A4GALT: variants seen among roughly 807,000 people sequenced by gnomAD.
A4GALT encodes alpha 1,4-galactosyltransferase (P1PK blood group), also known as lactosylceramide 4-alpha-galactosyltransferase.
For synonymous variants in A4GALT, 257 were observed against 220.7 expected (o/e 1.16, Z -1.46); for missense variants, 512 against 486.0 (o/e 1.05, Z -0.50).
At chr22:42,710,226 A>G (rs1414524426) in intron 1 of A4GALT, among the ~76,000 whole-genome samples, 1 of 152,198 alleles carries the variant, frequency 6.6e-6, no homozygotes, top group African/African-American at 2.4e-5. Context: ...ATATGATATT[A>G]TTGTATACCT....
chr22:42,705,145 C>T (rs1185130953), intron 1 of A4GALT, among the ~76,000 whole-genome samples: 2 of 152,146 alleles, frequency 1.3e-5, no homozygotes, highest in Non-Finnish European at 2.9e-5. Context: ...AGAGAACTGT[C>T]CTGGCTTCTC....
Position 42,692,997 on chromosome 22 carries a change from T to C in A4GALT, c.955A>G (p.Lys319Glu). The change falls in exon 3 of 3, where the codon AAG (lysine) becomes GAG (glutamate). Residue 319 changes from lysine to glutamate, a missense_variant. Lys to Glu is a moderately conservative substitution (Grantham distance 56). Transcript: ENST00000642412. This position sits in a 1 kb window ranked among gnomAD's most constrained non-coding sequence, Gnocchi z 4.6. The stretch of plus-strand genomic sequence containing the variant: ...TCGAACCGCGTGCCCTGGCTCTTCT[T>C]GTTCCACACGTGGACAGCATAGGTG... ...SATYAVHVWN[K>E]KSQGTRFEAT... is the part of the protein sequence containing the mutation. 6.2e-7 allele frequency: 1 copy of C among 1,613,632 alleles called. No homozygotes were observed. The highest frequency in any genetic ancestry group is 8.5e-7 in the Non-Finnish European group (1 of 1,179,974).
chr22:42,696,427 GAA>G (rs59139000), intron 1 of A4GALT, among the ~76,000 whole-genome samples: 2 of 122,196 alleles, frequency 1.6e-5, no homozygotes, highest in Admixed American at 8.4e-5. Flanking sequence ...TTTCAAAAAG[GAA>G]AAAAAAAAAA....
In A4GALT at chr22:42,693,434, A is replaced by C. The variant is rs1394494538; in HGVS notation, c.518T>G (p.Val173Gly). 2.5e-6 allele frequency: 4 copies of C among 1,613,270 alleles called. No homozygotes were observed. The Admixed American group carries it at 6.7e-5, about 27-fold the overall frequency. ...QGRWEPYLLPVLSDASRIALM... is the reference protein window; with the variant it reads ...QGRWEPYLLPGLSDASRIALM... Reference sequence around the variant, plus strand: ...TGCGATCCTGGAGGCGTCGGAGAGCACGGGCAGCAGGTAGGGCTCCCAGCG... The same window carrying C: ...TGCGATCCTGGAGGCGTCGGAGAGCCCGGGCAGCAGGTAGGGCTCCCAGCG... Residue 173 changes from valine to glycine, a missense_variant, in exon 3 of 3, where the codon GTG (valine) becomes GGG (glycine). Val to Gly is a moderately radical substitution (Grantham distance 109, BLOSUM62 -3). Coordinates refer to ENST00000642412, the MANE Select transcript of A4GALT (RefSeq NM_017436.7).
At chr22:42,703,259 G>GTTTTTGT (rs1555887063) in intron 1 of A4GALT, among the ~76,000 whole-genome samples, 30 of 131,750 alleles carry the variant, frequency 2.3e-4, no homozygotes, top group African/African-American at 8.3e-4. Flanking sequence ...GTTTGTTTTT[G>GTTTTTGT]TTTTTTTTTT....
chr22:42,716,962 CA>C (rs1391582894), intron 1 of A4GALT, among the ~76,000 whole-genome samples: 1 of 152,204 alleles, frequency 6.6e-6, no homozygotes, highest in Non-Finnish European at 1.5e-5. Flanking sequence ...CCCTGTCTGC[CA>C]GCTGACTGCA....
intron 1 of A4GALT, among the ~76,000 whole-genome samples, chr22:42,709,208 T>C (rs2147020326): frequency 6.6e-6 from 1 of 151,434 alleles, no homozygotes; most frequent in South Asian, 2.1e-4. Context: ...TACAGGCACA[T>C]GCCACCATAC....
At chr22:42,703,057 CTGTGTGTGTG>C (rs71311456) in intron 1 of A4GALT, among the ~76,000 whole-genome samples, 3 of 134,416 alleles carry the variant, frequency 2.2e-5, no homozygotes, top group South Asian at 2.3e-4. Context: ...TGCTGCCCTG[CTGTGTGTGTG>C]TGTGTGTGTG....
chr22:42,709,733 T>G (rs890372889), intron 1 of A4GALT, among the ~76,000 whole-genome samples: 1 of 152,072 alleles, frequency 6.6e-6, no homozygotes, highest in East Asian at 1.9e-4. Flanking sequence ...CAGGTTGCAG[T>G]GAGCCAAGAC....
intron 1 of A4GALT, among the ~76,000 whole-genome samples, chr22:42,717,519 C>T (rs769996358): frequency 9.9e-5 from 15 of 152,130 alleles, no homozygotes; most frequent in Non-Finnish European, 1.6e-4. Flanking sequence ...CTCACCAGCC[C>T]GGGAGGATCC....
chr22:42,705,811 T>C (rs1461970656), intron 1 of A4GALT, among the ~76,000 whole-genome samples: 2 of 121,996 alleles, frequency 1.6e-5, no homozygotes, highest in African/African-American at 5.3e-5. Context: ...GAGACCAGCC[T>C]GCCCAACAAG....
intron 1 of A4GALT, among the ~76,000 whole-genome samples, chr22:42,719,589 G>C (rs1922508222): frequency 6.6e-6 from 1 of 152,190 alleles, no homozygotes; most frequent in African/African-American, 2.4e-5. Flanking sequence ...TGGAAACACA[G>C]TGTAGCAGGG....
At chr22:42,712,545 C>T (rs1921784967) in intron 1 of A4GALT, among the ~76,000 whole-genome samples, 1 of 152,206 alleles carries the variant, frequency 6.6e-6, no homozygotes, top group Non-Finnish European at 1.5e-5. Context: ...GTCCTGAGTT[C>T]GTTCTATTTG....
chr22:42,716,843 G>T (rs957014968), intron 1 of A4GALT, among the ~76,000 whole-genome samples: 18 of 152,242 alleles, frequency 1.2e-4, no homozygotes, highest in Non-Finnish European at 2.6e-4. Flanking sequence ...GATGGTCACA[G>T]ATGATCAGGG....
intron 1 of A4GALT, among the ~76,000 whole-genome samples, chr22:42,714,563 CAAA>C (rs560634383): frequency 7.2e-6 from 1 of 138,642 alleles, no homozygotes. Flanking sequence ...GGTCCTGTCT[CAAA>C]AAAAAAAAAG....
At chr22:42,711,739 T>TTC (rs955457409) in intron 1 of A4GALT, among the ~76,000 whole-genome samples, 54 of 152,224 alleles carry the variant, frequency 3.5e-4, no homozygotes, top group Middle Eastern at 3.4e-3. Flanking sequence ...GTTGAAGAGA[T>TTC]TCTCCTGCCT....
intron 1 of A4GALT, among the ~76,000 whole-genome samples, chr22:42,718,846 AAAG>A (rs1280014474): frequency 1.3e-5 from 2 of 152,208 alleles, no homozygotes; most frequent in Non-Finnish European, 2.9e-5. Context: ...GCAGGTCCCC[AAAG>A]AAGGAGGCAG....
At chr22:42,714,318 TG>T (rs1205526800) in intron 1 of A4GALT, among the ~76,000 whole-genome samples, 1 of 112,678 alleles carries the variant, frequency 8.9e-6, no homozygotes, top group African/African-American at 3.4e-5. Context: ...GCAGGAATGG[TG>T]GCTCCCTCCT....
rs1178867559 is a variant in A4GALT at position 42,713,945 on chromosome 22, AC to A, written c.-188+6851del. The stretch of plus-strand genomic sequence containing the variant: ...AGGATCTTGAGGCCAAGAGTTCAAT[AC>A]CAGCCTGGGCAACGCAGGAAGACCT... On this transcript the variant is annotated intron_variant, in intron 1 of 2. Coordinates refer to ENST00000642412, the MANE Select transcript of A4GALT (RefSeq NM_017436.7). Among the ~76,000 whole-genome samples, 12 of 150,840 alleles carry A rather than the reference AC, an allele frequency of 8.0e-5. No individual in the cohort carries two copies. In the South Asian group the frequency reaches 1.9e-3, roughly 24 times the overall value.
Sources: gnomAD v4.1 joint callset for allele counts (sites outside exome capture counted in the v4.1 genomes callset) on GRCh38, gnomAD v4.1.1 for gene constraint, Gnocchi (gnomAD v3.1) non-coding constraint, MANE v1.5 for transcripts, NCBI Gene and HGNC (gene_info 2026-07-23, HGNC 2026-07-21) for gene names.